PPP6R3: variants seen among roughly 807,000 people sequenced by gnomAD.
PPP6R3 encodes the protein protein phosphatase 6 regulatory subunit 3.
A neutral mutation model predicts 110.7 loss-of-function variants in PPP6R3; 38 were observed. The observed-to-expected ratio is 0.34, with a 90% confidence interval of 0.26 to 0.45. The LOEUF is 0.45. Among genes scored for constraint, PPP6R3 ranks in the 20% least tolerant of loss-of-function variants. PPP6R3 has a pLI of 1.00. For missense variants in PPP6R3, 870 were observed against 1,062.4 expected (o/e 0.82, Z 2.52); for synonymous variants, 369 against 373.5 (o/e 0.99, Z 0.14).
intron 23 of PPP6R3, among the ~76,000 whole-genome samples, chr11:68,611,086 CT>C (rs531871267): frequency 4.4e-4 from 67 of 152,246 alleles, no homozygotes; most frequent in African/African-American, 1.5e-3. Context: ...CTAGTGAAGG[CT>C]TTTGGGGGAA....
At chr11:68,549,156 G>T (rs1198456284) in intron 5 of PPP6R3, among the ~76,000 whole-genome samples, 4 of 152,218 alleles carry the variant, frequency 2.6e-5, no homozygotes, top group Non-Finnish European at 4.4e-5. Flanking sequence ...CTCCCAAAGT[G>T]CTGGGATTAC....
chr11:68,561,015 G>T (rs1485002194), intron 8 of PPP6R3, among the ~76,000 whole-genome samples: 1 of 149,180 alleles, frequency 6.7e-6, no homozygotes, highest in African/African-American at 2.5e-5. Context: ...TCCTGCCTCA[G>T]TCTCCCGAGT....
At chr11:68,539,381 C>T (rs545073816) in intron 3 of PPP6R3, among the ~76,000 whole-genome samples, 2 of 152,188 alleles carry the variant, frequency 1.3e-5, no homozygotes, top group Non-Finnish European at 2.9e-5. Context: ...CACAAAAGTA[C>T]TGCGCACCCC....
chr11:68,562,369 C>T (rs1732678469), intron 8 of PPP6R3, among the ~76,000 whole-genome samples: 1 of 152,148 alleles, frequency 6.6e-6, no homozygotes, highest in Non-Finnish European at 1.5e-5. Flanking sequence ...CACTTCTCCC[C>T]AAATGGACCT....
At chr11:68,489,546 GTGTGTT>G (rs772302284) in intron 1 of PPP6R3, among the ~76,000 whole-genome samples, 138 of 143,352 alleles carry the variant, frequency 9.6e-4, no homozygotes, top group South Asian at 3.5e-3. Flanking sequence ...TGCAGATACT[GTGTGTT>G]TGTGTGTGTG....
intron 1 of PPP6R3, among the ~76,000 whole-genome samples, chr11:68,507,155 T>G (rs938671864): frequency 3.9e-5 from 6 of 152,216 alleles, no homozygotes; most frequent in Non-Finnish European, 8.8e-5. Context: ...AGTCTTTACT[T>G]CAAGTACTTT....
At position 68,476,763 on chromosome 11, in the gene PPP6R3, C is replaced by A. The variant is rs138748349; in HGVS notation, c.-158+15936C>A. 7.7e-3 allele frequency among the ~76,000 whole-genome samples: 1,175 copies of A among 152,130 alleles called. 18 individuals are homozygous for A. The highest frequency in any genetic ancestry group is 0.027 in the African/African-American group (1,111 of 41,494). ...ATAGGGCTGGTGTGATGGCTCACAC[C>A]TGTATTCCCAGCACTTTGGAAAACC... On this transcript the variant is annotated intron_variant, in intron 1 of 23. Coordinates refer to ENST00000393800, the MANE Select transcript of PPP6R3 (RefSeq NM_001164161.2).
At chr11:68,593,693 G>C (rs2099602606) in intron 18 of PPP6R3, among the ~76,000 whole-genome samples, 1 of 152,224 alleles carries the variant, frequency 6.6e-6, no homozygotes, top group African/African-American at 2.4e-5. Context: ...AAATAACCAT[G>C]TGAAACAAAC....
intron 1 of PPP6R3, among the ~76,000 whole-genome samples, chr11:68,477,708 CAG>C (rs1244615234): frequency 1.7e-5 from 2 of 119,662 alleles, no homozygotes; most frequent in Non-Finnish European, 3.3e-5. Flanking sequence ...GCCTGAGAGA[CAG>C]AGAGAGACAT....
intron 1 of PPP6R3, among the ~76,000 whole-genome samples, chr11:68,504,529 T>G (rs1007975416): frequency 2.0e-5 from 3 of 152,094 alleles, no homozygotes; most frequent in African/African-American, 7.2e-5. Context: ...TTACAATATC[T>G]TTATGGATGA....
intron 1 of PPP6R3, among the ~76,000 whole-genome samples, chr11:68,515,487 C>A (rs1457405650): frequency 5.3e-5 from 8 of 152,264 alleles, no homozygotes; most frequent in African/African-American, 1.9e-4. Context: ...AAAGAAAAGT[C>A]ATACCAGCTC....
intron 5 of PPP6R3, among the ~76,000 whole-genome samples, chr11:68,549,630 A>G (rs190966355): frequency 1.9e-4 from 29 of 151,078 alleles, no homozygotes; most frequent in Admixed American, 7.9e-4. Context: ...GGGAAGACTG[A>G]GGACAGGGAG....
At chr11:68,489,038 A>G (rs1346468968) in intron 1 of PPP6R3, among the ~76,000 whole-genome samples, 1 of 141,244 alleles carries the variant, frequency 7.1e-6, no homozygotes. Context: ...TTTTTTTTTG[A>G]GGCAGAGTCT....
At chr11:68,509,470 ATTTT>A (rs34228704) in intron 1 of PPP6R3, among the ~76,000 whole-genome samples, 1 of 116,474 alleles carries the variant, frequency 8.6e-6, no homozygotes, top group Non-Finnish European at 1.8e-5. Flanking sequence ...TTACTTCTCT[ATTTT>A]TTTTTTTTTT....
At chr11:68,576,135 C>A in intron 14 of PPP6R3, 92 bp downstream of exon 14, 1 of 909,882 alleles carries the variant, frequency 1.1e-6, no homozygotes, top group Non-Finnish European at 1.7e-6. Flanking sequence ...CCATTTACCT[C>A]AGTAACTGTG....
intron 9 of PPP6R3, among the ~76,000 whole-genome samples, chr11:68,565,565 G>A (rs998339485): frequency 6.6e-6 from 1 of 151,910 alleles, no homozygotes; most frequent in African/African-American, 2.4e-5. Flanking sequence ...AGTGGAAGAC[G>A]GAGGTGGGAG....
Position 68,596,138 on chromosome 11 carries a change from A to G in PPP6R3, c.1958A>G (p.Glu653Gly), listed in dbSNP as rs2099613263. 6.2e-7 allele frequency: 1 copy of G among 1,614,096 alleles called. No homozygotes were observed. Among genetic ancestry groups the G allele is most frequent in the Non-Finnish European group, 8.5e-7 (1 of 1,180,034 alleles). ...TDSEESTDSE[E>G]EDGAKQDLFE... ...AGTGAGGAAAGTACAGACTCTGAAG[A>G]AGAAGATGGAGCAAAGCAAGACTTG... The change falls in exon 19 of 24, where the codon GAA becomes GGA. Residue 653 changes from glutamate to glycine, a missense_variant. Physicochemically the swap from Glu to Gly is moderately conservative, Grantham distance 98. Coordinates refer to ENST00000393800, the MANE Select transcript of PPP6R3 (RefSeq NM_001164161.2).
intron 1 of PPP6R3, among the ~76,000 whole-genome samples, chr11:68,484,779 G>C (rs902695665): frequency 6.6e-6 from 1 of 151,966 alleles, no homozygotes; most frequent in Non-Finnish European, 1.5e-5. Flanking sequence ...TAGAGATGGG[G>C]TTTCACCATG....
chr11:68,487,426 G>A (rs1036282075), intron 1 of PPP6R3, among the ~76,000 whole-genome samples: 19 of 152,036 alleles, frequency 1.2e-4, no homozygotes, highest in African/African-American at 3.4e-4. Context: ...AAAATTAGCC[G>A]GGGCATGGTG....
Sources: allele counts gnomAD v4.1 joint callset (sites outside exome capture counted in the v4.1 genomes callset), GRCh38; gene constraint gnomAD v4.1.1; transcripts MANE v1.5; gene names NCBI Gene and HGNC (gene_info 2026-07-23, HGNC 2026-07-21).